NELL1: variants seen among roughly 807,000 people sequenced by gnomAD.
NELL1 encodes the protein neural EGFL like 1.
A neutral mutation model predicts 107.4 loss-of-function variants in NELL1; 76 were observed. The observed-to-expected ratio is 0.71, with a 90% CI of 0.59 to 0.86. The LOEUF is 0.86. NELL1 is among the 40% of genes least tolerant of loss of function. The probability of loss-of-function intolerance (pLI) is 0.00; values close to 1 mark genes in which losing one functional copy is unlikely to be tolerated. For missense variants in NELL1, 1,024 were observed against 1,005.5 expected, an observed-to-expected ratio of 1.02 and a Z score of -0.25; for synonymous variants, 353 against 341.2, an observed-to-expected ratio of 1.03 and a Z score of -0.38.
chr11:20,686,501 G>T (rs1205604193), intron 2 of NELL1, among the ~76,000 whole-genome samples: 1 of 152,102 alleles, frequency 6.6e-6, no homozygotes, highest in African/African-American at 2.4e-5. Context: ...ACCAGAATAG[G>T]TTCAGAGAGA....
intron 14 of NELL1, among the ~76,000 whole-genome samples, chr11:21,340,294 A>C (rs547567028): frequency 1.3e-5 from 2 of 151,950 alleles, no homozygotes; most frequent in South Asian, 2.1e-4. Flanking sequence ...CTGGGACTAC[A>C]GGCGCCCACC....
intron 10 of NELL1, among the ~76,000 whole-genome samples, chr11:20,944,335 TA>T (rs200249559): frequency 3.3e-5 from 5 of 151,988 alleles, no homozygotes; most frequent in South Asian, 2.1e-4. Flanking sequence ...ACATAATTTT[TA>T]AAAAAAAATC....
chr11:21,263,927 TA>T (rs1387584154), intron 14 of NELL1, among the ~76,000 whole-genome samples: 2 of 151,948 alleles, frequency 1.3e-5, no homozygotes, highest in African/African-American at 4.8e-5. Flanking sequence ...CTTAAATATA[TA>T]ACTTTAATGA....
intron 3 of NELL1, among the ~76,000 whole-genome samples, chr11:20,788,463 A>T (rs1037481158): frequency 6.6e-6 from 1 of 152,182 alleles, no homozygotes; most frequent in African/African-American, 2.4e-5. Context: ...AATGATGTTG[A>T]GTATCTTTTC....
chr11:20,892,146 T>G (rs571803282), intron 5 of NELL1, among the ~76,000 whole-genome samples: 1 of 152,230 alleles, frequency 6.6e-6, no homozygotes, highest in South Asian at 2.1e-4. Context: ...GCAAAAGAAC[T>G]GAAATCATAA....
intron 5 of NELL1, among the ~76,000 whole-genome samples, chr11:20,899,867 TA>T (rs1380503001): frequency 2.0e-5 from 3 of 148,672 alleles, no homozygotes; most frequent in African/African-American, 7.4e-5. Flanking sequence ...GACAGTTTTC[TA>T]AAGCTACATG....
At chr11:20,795,921 G>A (rs1232264166) in intron 3 of NELL1, among the ~76,000 whole-genome samples, 1 of 152,100 alleles carries the variant, frequency 6.6e-6, no homozygotes, top group African/African-American at 2.4e-5. Context: ...AGATGTTTGA[G>A]CGTTTGCAGT....
chr11:21,446,786 G>A (rs1853443400), intron 15 of NELL1, among the ~76,000 whole-genome samples: 1 of 152,174 alleles, frequency 6.6e-6, no homozygotes, highest in South Asian at 2.1e-4. Context: ...TACCACCTAT[G>A]TTGGTTCAAA....
At chr11:21,229,499 C>T (rs1431472920) in intron 14 of NELL1, 45 bp downstream of exon 14, 1 of 1,611,038 alleles carries the variant, frequency 6.2e-7, no homozygotes, top group Non-Finnish European at 8.5e-7. Context: ...GCCATTCTGC[C>T]TGGGCTCTTG....
In NELL1 at chr11:21,560,170, T is replaced by C; in HGVS notation, c.1787-19T>C. 1 of 1,612,178 alleles carries C rather than the reference T, an allele frequency of 6.2e-7. No individual in the cohort carries two copies. Among genetic ancestry groups the C allele is most frequent in the Non-Finnish European group, 8.5e-7 (1 of 1,178,420 alleles). ...TTCCCTTGGCTAGATTCTAAGCTTC[T>C]GTGCTTCCTATATTGCAGACATTGA... On this transcript the variant is annotated intron_variant, in intron 16 of 19. Coordinates refer to ENST00000357134, the MANE Select transcript of NELL1 (RefSeq NM_006157.5).
chr11:20,919,962 G>A (rs996803151), intron 7 of NELL1, among the ~76,000 whole-genome samples: 1 of 152,060 alleles, frequency 6.6e-6, no homozygotes, highest in African/African-American at 2.4e-5. Context: ...GGCACAAAGA[G>A]GCAATAGTGA....
At chr11:21,450,657 G>A (rs903178698) in intron 15 of NELL1, among the ~76,000 whole-genome samples, 3 of 152,060 alleles carry the variant, frequency 2.0e-5, no homozygotes, top group Non-Finnish European at 2.9e-5. Context: ...ACATCACCAC[G>A]TTCATTTGAA....
intron 15 of NELL1, among the ~76,000 whole-genome samples, chr11:21,371,571 C>T (rs191874382): frequency 6.6e-6 from 1 of 152,162 alleles, no homozygotes; most frequent in East Asian, 1.9e-4. Flanking sequence ...GAGAAGCCCT[C>T]CTATTTGTGT....
intron 14 of NELL1, among the ~76,000 whole-genome samples, chr11:21,322,553 T>A (rs1390358275): frequency 6.6e-6 from 1 of 152,150 alleles, no homozygotes; most frequent in Non-Finnish European, 1.5e-5. Context: ...CAGAAAATGG[T>A]ATAAAATGCT....
chr11:20,915,139 C>G (rs1318421401), intron 5 of NELL1, among the ~76,000 whole-genome samples: 2 of 151,948 alleles, frequency 1.3e-5, no homozygotes, highest in African/African-American at 4.8e-5. Flanking sequence ...ATAATACAGT[C>G]TAGTAATTCT....
chr11:21,471,600 A>G (rs1405331273), intron 15 of NELL1, among the ~76,000 whole-genome samples: 1 of 151,434 alleles, frequency 6.6e-6, no homozygotes, highest in Non-Finnish European at 1.5e-5. Context: ...AAGCACTTTA[A>G]ATTTCTTACC....
chr11:21,121,156 A>G (rs1565070570), intron 13 of NELL1, among the ~76,000 whole-genome samples: 1 of 152,200 alleles, frequency 6.6e-6, no homozygotes, highest in Non-Finnish European at 1.5e-5. Flanking sequence ...CTGCTTTAGC[A>G]TAGAGCAGAA....
intron 3 of NELL1, among the ~76,000 whole-genome samples, chr11:20,815,475 G>C (rs1012923000): frequency 1.3e-5 from 2 of 152,152 alleles, no homozygotes; most frequent in African/African-American, 4.8e-5. Context: ...AGAAGTTTCT[G>C]TACGTGTCCT....
At chr11:21,281,006 C>T (rs189353531) in intron 14 of NELL1, among the ~76,000 whole-genome samples, 18 of 151,808 alleles carry the variant, frequency 1.2e-4, no homozygotes, top group African/African-American at 4.3e-4. Flanking sequence ...CACCGTCCCT[C>T]CTCCAACCCC....
Sources: gnomAD v4.1 joint callset for allele counts (sites outside exome capture counted in the v4.1 genomes callset) on GRCh38, gnomAD v4.1.1 for gene constraint, MANE v1.5 for transcripts, NCBI Gene and HGNC (gene_info 2026-07-23, HGNC 2026-07-21) for gene names.